PKIB: variants seen among roughly 807,000 people sequenced by gnomAD.
PKIB encodes the protein cAMP-dependent protein kinase inhibitor beta.
Under a neutral mutation model 4.5 loss-of-function variants are expected in PKIB, and 2 were observed. The observed-to-expected ratio is 0.44, with a 90% CI of 0.18 to 1.39. The LOEUF (loss-of-function observed/expected upper bound fraction) is 1.39. Ranked by LOEUF, PKIB falls within the 40% of genes most tolerant of loss-of-function variation. The pLI, the probability that PKIB is intolerant of heterozygous loss-of-function variation, is 0.27. For synonymous variants in PKIB, 38 were observed against 36.0 expected (o/e 1.06, Z -0.20); for missense variants, 94 against 92.6 (o/e 1.02, Z -0.06).
At chr6:122,589,442 T>G (rs1165828391) in intron 3 of PKIB, among the ~76,000 whole-genome samples, 1 of 152,136 alleles carries the variant, frequency 6.6e-6, no homozygotes, top group East Asian at 1.9e-4. Context: ...ATTAAATATG[T>G]TAAACTGAGA....
At chr6:122,603,486 T>C (rs1003281140) in intron 3 of PKIB, among the ~76,000 whole-genome samples, 1 of 152,174 alleles carries the variant, frequency 6.6e-6, no homozygotes, top group Non-Finnish European at 1.5e-5. Context: ...TTTCTTTTTT[T>C]CTTTTTTTTT....
chr6:122,695,036 C>T (rs1778515359), intron 3 of PKIB, among the ~76,000 whole-genome samples: 1 of 151,996 alleles, frequency 6.6e-6, no homozygotes, highest in Admixed American at 6.6e-5. Context: ...TCCTTTGTAA[C>T]CAGAAAATAC....
intron 2 of PKIB, among the ~76,000 whole-genome samples, chr6:122,635,744 A>G (rs575563572): frequency 9.9e-5 from 15 of 152,186 alleles, no homozygotes; most frequent in African/African-American, 3.1e-4. Context: ...TAAAACCCCT[A>G]TTTTAACTTC....
At chr6:122,709,131 C>T (rs1779176369) in intron 3 of PKIB, among the ~76,000 whole-genome samples, 1 of 152,076 alleles carries the variant, frequency 6.6e-6, no homozygotes, top group South Asian at 2.1e-4. Context: ...TCATTTGAGT[C>T]CAGGGTAGTA....
intron 2 of PKIB, among the ~76,000 whole-genome samples, chr6:122,646,136 G>A (rs1216924682): frequency 2.6e-5 from 4 of 152,138 alleles, no homozygotes; most frequent in African/African-American, 9.7e-5. Context: ...TATCTAAGAA[G>A]AAAGTATAAA....
chr6:122,532,968 G>T (rs1023942008), intron 2 of PKIB, among the ~76,000 whole-genome samples: 1 of 151,916 alleles, frequency 6.6e-6, no homozygotes, highest in Non-Finnish European at 1.5e-5. Flanking sequence ...ATGTTTGTTG[G>T]ACATTTGTGT....
rs573164040 is a variant in PKIB, at chr6:122,643,741, A to T, written c.-76+10374A>T. On this transcript the variant is annotated intron_variant, in intron 2 of 4. Coordinates refer to ENST00000368452, the MANE Select transcript of PKIB (RefSeq NM_181795.3). ...AAAAATCAAATTTCATTGGTAGGGAAGTGTAAATGTATGGTTTTTTTAAAA... is the reference window on the plus strand; with the variant it reads ...AAAAATCAAATTTCATTGGTAGGGATGTGTAAATGTATGGTTTTTTTAAAA... The T allele has an allele frequency of 2.6e-5, 4 of 152,340 alleles. No individual in the cohort carries two copies. In the South Asian group the frequency reaches 8.3e-4, roughly 32 times the overall value. 9.4% of individuals were successfully genotyped at this position (152,340 alleles called of 1,614,324 possible). A position where few individuals can be genotyped will look rare whatever the true frequency, so the allele number is the denominator to read the frequency against.
chr6:122,497,758 A>G (rs1216490639), intron 2 of PKIB, among the ~76,000 whole-genome samples: 1 of 152,216 alleles, frequency 6.6e-6, no homozygotes, highest in East Asian at 1.9e-4. Context: ...CCACGCAATT[A>G]TAGTGGGGGA....
intron 1 of PKIB, among the ~76,000 whole-genome samples, chr6:122,616,119 A>G (rs759210898): frequency 9.9e-5 from 15 of 152,154 alleles, no homozygotes; most frequent in Non-Finnish European, 1.3e-4. Context: ...GAGATCTCCT[A>G]TGGGAAGCAC....
intron 1 of PKIB, among the ~76,000 whole-genome samples, chr6:122,477,099 A>G (rs1562221913): frequency 6.6e-6 from 1 of 152,326 alleles, no homozygotes; most frequent in South Asian, 2.1e-4. Flanking sequence ...TATTTCAATG[A>G]CATTAATATA....
chr6:122,515,443 C>G (rs1317121301), intron 2 of PKIB, among the ~76,000 whole-genome samples: 3 of 152,050 alleles, frequency 2.0e-5, no homozygotes, highest in African/African-American at 7.2e-5. Flanking sequence ...CAGATTCACA[C>G]AAGTTTAAGT....
intron 2 of PKIB, among the ~76,000 whole-genome samples, chr6:122,568,208 TACTG>T (rs1773251054): frequency 6.6e-6 from 1 of 152,122 alleles, no homozygotes; most frequent in Non-Finnish European, 1.5e-5. Context: ...GTAAAAAAAT[TACTG>T]ACAATGTTTA....
intron 3 of PKIB, among the ~76,000 whole-genome samples, chr6:122,601,671 A>C (rs917198169): frequency 1.3e-5 from 2 of 152,130 alleles, no homozygotes; most frequent in African/African-American, 4.8e-5. Context: ...ATAATGATGG[A>C]TTTCCACTTA....
rs553441395 is a variant in PKIB, at chr6:122,591,195, G to GAC, written c.-161+5211_-161+5212dup. Among the ~76,000 whole-genome samples, 450 of 150,050 alleles carry GAC rather than the reference G, an allele frequency of 3.0e-3. 2 individuals carry two copies. Among genetic ancestry groups the GAC allele is most frequent in the African/African-American group, 9.2e-3 (373 of 40,652 alleles). ...CCCCCACATCTAATTCCTATCTCTC[G>GAC]ACACACACACACACACACACACACC... On this transcript the variant is annotated intron_variant, in intron 3 of 6. Coordinates refer to the PKIB transcript ENST00000392491.
intron 3 of PKIB, among the ~76,000 whole-genome samples, chr6:122,682,519 A>C (rs1212162343): frequency 6.6e-6 from 1 of 152,122 alleles, no homozygotes; most frequent in Non-Finnish European, 1.5e-5. Context: ...TTATCTAAAA[A>C]CTGTAGGTTT....
intron 2 of PKIB, among the ~76,000 whole-genome samples, chr6:122,526,329 T>C (rs1243735051): frequency 2.0e-5 from 3 of 152,202 alleles, no homozygotes; most frequent in Non-Finnish European, 2.9e-5. Context: ...GCATCTAGAC[T>C]GGTGAATTCT....
intron 2 of PKIB, among the ~76,000 whole-genome samples, chr6:122,504,863 A>G (rs1268642445): frequency 9.2e-5 from 14 of 152,138 alleles, no homozygotes; most frequent in South Asian, 2.1e-4. Flanking sequence ...GCCAGCCTCA[A>G]CACCATCCGT....
intron 3 of PKIB, among the ~76,000 whole-genome samples, chr6:122,683,136 G>A (rs773867377): frequency 6.6e-6 from 1 of 152,056 alleles, no homozygotes; most frequent in African/African-American, 2.4e-5. Flanking sequence ...TTAAAATTTG[G>A]CAGTTATGGA....
intron 2 of PKIB, among the ~76,000 whole-genome samples, chr6:122,573,521 C>CAAAAAAAAAAAAAA (rs61014475): frequency 1.1e-5 from 1 of 87,574 alleles, no homozygotes; most frequent in Non-Finnish European, 2.3e-5. Context: ...GACTCTGTCT[C>CAAAAAAAAAAAAAA]AAAAAAAAAA....
Sources: gnomAD v4.1 joint callset for allele counts (sites outside exome capture counted in the v4.1 genomes callset) on GRCh38, gnomAD v4.1.1 for gene constraint, MANE v1.5 for transcripts, NCBI Gene and HGNC (gene_info 2026-07-23, HGNC 2026-07-21) for gene names.